The following ZBTB17 variants were observed in gnomAD, a reference collection of about 807,000 sequenced individuals.
ZBTB17 encodes the protein zinc finger and BTB domain-containing protein 17.
A neutral mutation model predicts 85.1 loss-of-function variants in ZBTB17; 24 were observed. The observed-to-expected ratio is 0.28, with a 90% confidence interval of 0.20 to 0.40. The LOEUF is 0.40. Among genes scored for constraint, ZBTB17 ranks in the 10% least tolerant of loss-of-function variants. ZBTB17 has a pLI of 1.00. For missense variants in ZBTB17, 743 were observed against 1,105.1 expected (o/e 0.67, Z 4.65); for synonymous variants, 464 against 460.2 (o/e 1.01, Z -0.11).
Position 15,943,390 on chromosome 1 carries a change from G to T in ZBTB17, c.1697+9C>A. On this transcript the variant is annotated intron_variant, in intron 12 of 15. Coordinates refer to ENST00000375743, the MANE Select transcript of ZBTB17 (RefSeq NM_003443.3). ...GTCTGGCCAGTGGGTGTGGGGGAGG[G>T]GGCAGGACCTCTTGCCGCAGCGCTC... 1.3e-6 allele frequency: 2 copies of T among 1,589,966 alleles called. No individual in the cohort carries two copies.
chr1:15,972,040 T>C (rs1191979484), intron 2 of ZBTB17, among the ~76,000 whole-genome samples: 1 of 152,156 alleles, frequency 6.6e-6, no homozygotes, highest in African/African-American at 2.4e-5. Flanking sequence ...CAGTCCAAAA[T>C]GCGCGGTTTG....
chr1:15,962,536 CA>C (rs1239644388), intron 2 of ZBTB17, among the ~76,000 whole-genome samples: 2 of 152,300 alleles, frequency 1.3e-5, no homozygotes, highest in East Asian at 3.9e-4. Context: ...AGCAGATGAG[CA>C]AATCACAGTT....
chr1:15,944,057 G>A (rs1381933407), intron 9 of ZBTB17, 162 bp from the exon 10 acceptor site: 3 of 963,724 alleles, frequency 3.1e-6, no homozygotes, highest in Non-Finnish European at 4.9e-6. Context: ...CCAGCGGTGA[G>A]AGGTAAGCCG....
At position 15,962,866 on chromosome 1, in the gene ZBTB17, G is replaced by A. The variant is rs562443077; in HGVS notation, c.-3+10173C>T. 2.2e-3 allele frequency among the ~76,000 whole-genome samples: 339 copies of A among 152,232 alleles called. 1 individual carries two copies. The highest frequency in any genetic ancestry group is 7.9e-3 in the African/African-American group (328 of 41,548). ...TGAAGCAGGAGGATCACTTGAGGCC[G>A]GGAGTTCAAGGCTGTAGTGAGCTTT... On this transcript the variant is annotated intron_variant, in intron 2 of 15. Transcript: ENST00000375743.
At chr1:15,959,450 T>C (rs983213749) in intron 2 of ZBTB17, among the ~76,000 whole-genome samples, 1 of 137,342 alleles carries the variant, frequency 7.3e-6, no homozygotes, top group Non-Finnish European at 1.5e-5. Flanking sequence ...AAATTAAAAC[T>C]GAGAAAGCTA....
intron 8 of ZBTB17, 31 bp downstream of exon 8, chr1:15,944,666 G>A (rs1433070664): frequency 6.2e-6 from 10 of 1,603,234 alleles, no homozygotes; most frequent in Non-Finnish European, 8.5e-6. Flanking sequence ...CCTGGCAGGG[G>A]CCGGGGTAGG....
chr1:15,947,919 C>T (rs1275535909), intron 3 of ZBTB17, among the ~76,000 whole-genome samples: 1 of 152,244 alleles, frequency 6.6e-6, no homozygotes, highest in African/African-American at 2.4e-5. Flanking sequence ...TCCCCATCAC[C>T]TCTCCCCACG....
At chr1:15,956,175 T>C (rs1030480689) in intron 2 of ZBTB17, among the ~76,000 whole-genome samples, 1 of 152,178 alleles carries the variant, frequency 6.6e-6, no homozygotes, top group Non-Finnish European at 1.5e-5. Flanking sequence ...CACACACCCA[T>C]CAGCCACAAA....
At position 15,942,320 on chromosome 1, in the gene ZBTB17, GC is replaced by G; in HGVS notation, c.2128+10del. The G allele has an allele frequency of 1.2e-6, 2 of 1,613,936 alleles. No homozygotes were observed. Among genetic ancestry groups the G allele is most frequent in the South Asian group, 2.2e-5 (2 of 91,090 alleles). ...CTCTGCCCACATTCACACCCGGGTG[GC>G]CCCCCTCACCTTCTTCCTGCACTTG... On this transcript the variant is annotated intron_variant, in intron 15 of 15. Transcript: ENST00000375743.
intron 2 of ZBTB17, among the ~76,000 whole-genome samples, chr1:15,968,740 C>A (rs2072533737): frequency 6.6e-6 from 1 of 152,216 alleles, no homozygotes; most frequent in African/African-American, 2.4e-5. Flanking sequence ...AGAAGGGGCA[C>A]AGAGTAGTCC....
intron 2 of ZBTB17, among the ~76,000 whole-genome samples, chr1:15,971,464 T>TATATAC (rs1557799713): frequency 8.0e-6 from 1 of 125,118 alleles, no homozygotes. Flanking sequence ...ACACTATATA[T>TATATAC]ACACACACAC....
chr1:15,963,151 C>CATT (rs2072319070), intron 2 of ZBTB17, among the ~76,000 whole-genome samples: 1 of 152,068 alleles, frequency 6.6e-6, no homozygotes, highest in Non-Finnish European at 1.5e-5. Context: ...CAGAAGTGAA[C>CATT]ATTACTAAGC....
At chr1:15,955,945 C>G (rs2148787157) in intron 2 of ZBTB17, among the ~76,000 whole-genome samples, 1 of 152,316 alleles carries the variant, frequency 6.6e-6, no homozygotes, top group African/African-American at 2.4e-5. Context: ...CCTGATGGAC[C>G]CCACTGCTCT....
rs1433806481 is a variant in ZBTB17, at chr1:15,945,781, G to C, written c.595C>G (p.Pro199Ala). The C allele has an allele frequency of 6.2e-7, 1 of 1,605,734 alleles. No homozygotes were observed. The highest frequency in any genetic ancestry group is 8.5e-7 in the Non-Finnish European group (1 of 1,179,656). The change falls in exon 6 of 16, where the codon CCA (proline) becomes GCA (alanine). Residue 199 changes from proline to alanine, a missense_variant. This residue lies in a region of ZBTB17 where 279 missense variants were observed against 269.9 expected (regional missense o/e 1.03). Coordinates refer to ENST00000375743, the MANE Select transcript of ZBTB17 (RefSeq NM_003443.3). ...GCAGCCATGCCACTCGTGGGGTCTG[G>C]CTTGAGCTCCACAGGCGGCGGCTCC... ...PREPPPVELK[P>A]DPTSGMAAAE...
intron 4 of ZBTB17, 41 bp downstream of exon 4, chr1:15,946,894 G>C: frequency 6.3e-7 from 1 of 1,581,000 alleles, no homozygotes; most frequent in Non-Finnish European, 8.6e-7. Flanking sequence ...AAAAGCCAAG[G>C]TCTCTGGCCA....
intron 2 of ZBTB17, among the ~76,000 whole-genome samples, chr1:15,958,635 A>G (rs898503306): frequency 1.3e-5 from 2 of 152,152 alleles, no homozygotes; most frequent in African/African-American, 4.8e-5. Flanking sequence ...GCCCTGGGAT[A>G]AGGCTGGGTC....
At chr1:15,965,832 T>C (rs978243523) in intron 2 of ZBTB17, among the ~76,000 whole-genome samples, 17 of 152,228 alleles carry the variant, frequency 1.1e-4, no homozygotes, top group Admixed American at 2.0e-4. Flanking sequence ...AAACGGTACA[T>C]TGTTTAGCAA....
chr1:15,943,754 A>G (rs754888585), intron 10 of ZBTB17, 39 bp from the exon 11 acceptor site: 4 of 1,612,608 alleles, frequency 2.5e-6, no homozygotes, highest in Non-Finnish European at 3.4e-6. Context: ...GTGGGGCACC[A>G]CCGGTGGCCG....
chr1:15,943,531 G>A lies in ZBTB17; in HGVS notation c.1577-12C>T, dbSNP rs770242317. 3.7e-6 allele frequency: 6 copies of A among 1,610,464 alleles called. No homozygotes were observed. In the South Asian group the frequency reaches 5.5e-5, roughly 15 times the overall value. On this transcript the variant is annotated splice_polypyrimidine_tract_variant and intron_variant, in intron 11 of 15. Transcript: ENST00000375743. ...GCATGGCTTCTCACCTGGGGACCGG[G>A]CAGAAGGTGTTGGTGCCTGCTCCTC...
Sources: gnomAD v4.1 joint callset for allele counts (sites outside exome capture counted in the v4.1 genomes callset) on GRCh38, gnomAD v4.1.1 for gene constraint, gnomAD v4.1.1 regional missense constraint, MANE v1.5 for transcripts, NCBI Gene and HGNC (gene_info 2026-07-23, HGNC 2026-07-21) for gene names.